Variants in KHNYN observed in about 807,000 individuals in gnomAD.
KHNYN encodes KH and NYN domain containing, also known as protein KHNYN.
In KHNYN, 42 loss-of-function variants were observed where a neutral mutation model predicts 62.7. The observed-to-expected ratio is 0.67, with a 90% CI of 0.52 to 0.87. KHNYN has a LOEUF of 0.87. Among genes scored for constraint, KHNYN ranks in the 40% least tolerant of loss-of-function variants. The probability of loss-of-function intolerance (pLI) is 0.00; values close to 1 mark genes in which losing one functional copy is unlikely to be tolerated. For synonymous variants in KHNYN, 347 were observed against 345.6 expected (o/e 1.00, Z -0.04); for missense variants, 829 against 874.1 (o/e 0.95, Z 0.65).
rs534816937 is a variant in KHNYN, at chr14:24,440,139, C to T, written c.*2854C>T. ...AGCTCTGGGAAGGAATACTGGTAGC[C>T]AGTGGCCAGTGTTCGCTGTGGGATC... On this transcript the variant is annotated 3_prime_UTR_variant, in exon 8 of 8. Transcript: ENST00000553935. 6.2e-6 allele frequency: 10 copies of T among 1,613,208 alleles called. No homozygotes were observed. Among genetic ancestry groups the T allele is most frequent in the Middle Eastern group, 1.7e-4 (1 of 6,056 alleles).
rs1412080114 is a variant in KHNYN at position 24,430,255 on chromosome 14, T to C, written c.-18+136T>C. On this transcript the variant is annotated intron_variant, in intron 1 of 7. Coordinates refer to ENST00000553935, the MANE Select transcript of KHNYN (RefSeq NM_015299.3). Reference sequence around the variant, plus strand: ...CCGGCCCCTGGGCCCTGGGCGGTGCTCCTGGCCCGACGGAGAGGGGCAGCG... The same window carrying C: ...CCGGCCCCTGGGCCCTGGGCGGTGCCCCTGGCCCGACGGAGAGGGGCAGCG... The C allele has an allele frequency of 1.3e-5, 10 of 776,500 alleles. No homozygotes were observed. In the African/African-American group the frequency reaches 1.5e-4, roughly 12 times the overall value. 48.1% of individuals were successfully genotyped at this position (776,500 alleles called of 1,614,324 possible).
upstream of KHNYN, chr14:24,428,941 G>T (rs371680375): frequency 5.1e-6 from 8 of 1,554,744 alleles, no homozygotes; most frequent in Non-Finnish European, 7.0e-6. Context: ...CCAGCAGGAC[G>T]GGCTCTGACC....
In KHNYN at chr14:24,440,156, T is replaced by G; in HGVS notation, c.*2871T>G. 6.2e-7 allele frequency: 1 copy of G among 1,613,492 alleles called. No individual in the cohort carries two copies. The highest frequency in any genetic ancestry group is 8.5e-7 in the Non-Finnish European group (1 of 1,179,656). Reference sequence around the variant, plus strand: ...CTGGTAGCCAGTGGCCAGTGTTCGCTGTGGGATCACCTTCTGGCCCTCCAG... The same window carrying G: ...CTGGTAGCCAGTGGCCAGTGTTCGCGGTGGGATCACCTTCTGGCCCTCCAG... On this transcript the variant is annotated 3_prime_UTR_variant, in exon 8 of 8. Coordinates refer to ENST00000553935, the MANE Select transcript of KHNYN (RefSeq NM_015299.3).
At chr14:24,436,270 AAGG>A in intron 6 of KHNYN, 91 bp downstream of exon 6, 1 of 1,426,160 alleles carries the variant, frequency 7.0e-7, no homozygotes. Context: ...AAACTCTGGG[AAGG>A]AGGTGAAGTT....
At chr14:24,426,227 T>A (rs1296906582), upstream of KHNYN, among the ~76,000 whole-genome samples, 1 of 152,262 alleles carries the variant, frequency 6.6e-6, no homozygotes, top group Non-Finnish European at 1.5e-5. Flanking sequence ...CTTCTTTAAA[T>A]TGATTCCTTT....
chr14:24,431,532 A>C lies in KHNYN; in HGVS notation c.271A>C (p.Ile91Leu). The C allele has an allele frequency of 6.2e-7, 1 of 1,611,036 alleles. No individual in the cohort carries two copies. Reference protein sequence around the residue: ...EIHYPPKLHCIFLGAQGFFLD... With the variant: ...EIHYPPKLHCLFLGAQGFFLD... ...CCACTACCCGCCCAAACTGCACTGC[A>C]TCTTTCTGGGAGCCCAGGGCTTCTT... The change falls in exon 3 of 8, where the codon ATC (isoleucine) becomes CTC (leucine). Residue 91 changes from isoleucine (I) to leucine (L), a missense_variant. By Grantham distance (5) the Ile-to-Leu change is conservative. This residue lies in a region of KHNYN where 559 missense variants were observed against 527.0 expected (regional missense o/e 1.06). Transcript: ENST00000553935.
chr14:24,432,674 T>C lies in KHNYN; in HGVS notation c.1350-48T>C. On this transcript the variant is annotated intron_variant, in intron 3 of 7. Coordinates refer to ENST00000553935, the MANE Select transcript of KHNYN (RefSeq NM_015299.3). The surrounding 1 kb of genome is among the most constrained non-coding windows in gnomAD (Gnocchi z 5.6). ...GATATGTCCTGAGGGGCTGGCATTG[T>C]AGCCAGGGTGCCAAGCCCCTCCTCT... The C allele has an allele frequency of 6.2e-7, 1 of 1,613,778 alleles. No individual in the cohort carries two copies. The highest frequency in any genetic ancestry group is 8.5e-7 in the Non-Finnish European group (1 of 1,179,814).
rs1031413935 is a variant in KHNYN at position 24,439,056 on chromosome 14, C to G, written c.*1771C>G. 2.0e-5 allele frequency: 3 copies of G among 152,264 alleles called. No individual in the cohort carries two copies. The highest frequency in any genetic ancestry group is 7.2e-5 in the African/African-American group (3 of 41,398). 9.4% of individuals were successfully genotyped at this position (152,264 alleles called of 1,614,324 possible). On this transcript the variant is annotated 3_prime_UTR_variant, in exon 8 of 8. Coordinates refer to ENST00000553935, the MANE Select transcript of KHNYN (RefSeq NM_015299.3). ...GAGGTGACAATGATTAAGAGATAAC[C>G]CAGCGGTCCCTGAGAAGAGATTGGT...
In KHNYN at chr14:24,437,328, G is replaced by A. The variant is rs3742522; in HGVS notation, c.*43G>A. The A allele has an allele frequency of 0.062, 98,215 of 1,578,790 alleles. 6,951 individuals carry two copies. The highest frequency in any genetic ancestry group is 0.35 in the African/African-American group (26,124 of 74,142). ...GGCTGCCGCCCTGTCAGCTCCAGCC[G>A]CCTCCAGCTCAGCCCTTTCTGTGAG... On this transcript the variant is annotated 3_prime_UTR_variant, in exon 8 of 8. Coordinates refer to ENST00000553935, the MANE Select transcript of KHNYN (RefSeq NM_015299.3). This position sits in a 1 kb window ranked among gnomAD's most constrained non-coding sequence, Gnocchi z 5.5.
intron 6 of KHNYN, 24 bp downstream of exon 6, chr14:24,436,203 A>G (rs1459469249): frequency 6.3e-7 from 1 of 1,583,310 alleles, no homozygotes; most frequent in Admixed American, 1.7e-5. Context: ...CCCGCTGAGA[A>G]CTGGGCACAG....
upstream of KHNYN, chr14:24,428,765 T>C (rs1206172811): frequency 6.3e-6 from 10 of 1,591,672 alleles, no homozygotes; most frequent in Non-Finnish European, 8.6e-6. Flanking sequence ...CTGGTCGAAG[T>C]AGATGGCCCC....
chr14:24,437,043 G>C lies in KHNYN; in HGVS notation c.1795G>C (p.Gly599Arg), dbSNP rs1251755183. Reference protein sequence around the residue: ...EFLKKPARTQGSSKAQHPSRG... With the variant: ...EFLKKPARTQRSSKAQHPSRG... ...TGGTCTGTTTCTTCCCAGGACACAG[G>C]GGTCTTCTAAGGCTCAGCATCCTTC... The change falls in exon 8 of 8, where the codon GGG becomes CGG. Residue 599 changes from glycine (G) to arginine (R), a missense_variant. Physicochemically the swap from Gly to Arg is moderately radical, Grantham distance 125 (BLOSUM62 -2). Coordinates refer to ENST00000553935, the MANE Select transcript of KHNYN (RefSeq NM_015299.3). The surrounding 1 kb of genome is among the most constrained non-coding windows in gnomAD (Gnocchi z 5.5). The C allele has an allele frequency of 1.2e-6, 2 of 1,613,686 alleles. No homozygotes were observed. The highest frequency in any genetic ancestry group is 2.2e-5 in the South Asian group (2 of 91,050).
upstream of KHNYN, chr14:24,428,788 G>A (rs781017023): frequency 1.9e-6 from 3 of 1,605,426 alleles, no homozygotes; most frequent in East Asian, 4.5e-5. Context: ...TGGTGCCATT[G>A]CCGGTTTCCC....
intron 5 of KHNYN, 88 bp downstream of exon 5, chr14:24,433,120 G>A (rs945953494): frequency 3.9e-6 from 5 of 1,267,390 alleles, no homozygotes; most frequent in Non-Finnish European, 5.7e-6. Flanking sequence ...GGTGGTTTAC[G>A]CTGTTTCTAA....
chr14:24,435,240 G>A lies in KHNYN; in HGVS notation c.1578-832G>A, dbSNP rs1403271103. Among the ~76,000 whole-genome samples the A allele has an allele frequency of 2.0e-5, 3 of 152,226 alleles. No homozygotes were observed. In the South Asian group the frequency reaches 6.2e-4, roughly 31 times the overall value. On this transcript the variant is annotated intron_variant, in intron 5 of 7. Coordinates refer to ENST00000553935, the MANE Select transcript of KHNYN (RefSeq NM_015299.3). ...AGTCAGCATAAGACATATGTGGAGA[G>A]CAGAGTGTAATCTGATTATTGATTT... is the stretch of plus-strand genomic sequence containing the variant.
upstream of KHNYN, chr14:24,429,516 TCAA>T: frequency 2.2e-6 from 1 of 456,664 alleles, no homozygotes; most frequent in South Asian, 1.6e-5. Flanking sequence ...CCCCCACAAA[TCAA>T]CAGCCCTTCT....
intron 2 of KHNYN, among the ~76,000 whole-genome samples, chr14:24,431,187 G>A (rs943477712): frequency 4.6e-5 from 7 of 152,350 alleles, no homozygotes; most frequent in African/African-American, 1.7e-4. Context: ...TGGGAGAATA[G>A]AGATATCTGG....
Position 24,432,249 on chromosome 14 carries a change from G to A in KHNYN, c.988G>A (p.Gly330Ser). 6.2e-7 allele frequency: 1 copy of A among 1,611,494 alleles called. No homozygotes were observed. Among genetic ancestry groups the A allele is most frequent in the East Asian group, 2.2e-5 (1 of 44,832 alleles). ...CCACCGTGAGCCTCCCGGTGCCCAT[G>A]GCTCCTGTCACAGGGCAGCTCAGTC... Reference protein sequence around the residue: ...CVHREPPGAHGSCHRAAQSRG... With the variant: ...CVHREPPGAHSSCHRAAQSRG... Residue 330 changes from glycine to serine, a missense_variant, in exon 3 of 8, where the codon GGC becomes AGC. Physicochemically the swap from Gly to Ser is moderately conservative, Grantham distance 56 (BLOSUM62 0). Transcript: ENST00000553935. The surrounding 1 kb of genome is among the most constrained non-coding windows in gnomAD (Gnocchi z 5.6).
chr14:24,433,053 C>A, intron 5 of KHNYN, 21 bp downstream of exon 5: 1 of 1,600,196 alleles, frequency 6.2e-7, no homozygotes, highest in Non-Finnish European at 8.6e-7. Context: ...CTCTCCTGGC[C>A]CCAGGCTTGA....
Sources: gnomAD v4.1 joint callset for allele counts (sites outside exome capture counted in the v4.1 genomes callset) on GRCh38, gnomAD v4.1.1 for gene constraint, gnomAD v4.1.1 regional missense constraint, Gnocchi (gnomAD v3.1) non-coding constraint, MANE v1.5 for transcripts, NCBI Gene and HGNC (gene_info 2026-07-23, HGNC 2026-07-21) for gene names.